The following ZNF440 variants were observed in gnomAD, a reference collection of about 807,000 sequenced individuals.
The protein encoded by ZNF440 is zinc finger protein 440.
A neutral mutation model predicts 49.7 loss-of-function variants in ZNF440; 47 were observed. The observed-to-expected ratio is 0.95, with a 90% confidence interval of 0.75 to 1.21. The LOEUF is 1.21. Ranked by LOEUF, ZNF440 falls within the 50% of genes most tolerant of loss-of-function variation. The pLI is 0.00. For missense variants in ZNF440, 703 were observed against 715.0 expected, an observed-to-expected ratio of 0.98 and a Z score of 0.19; for synonymous variants, 255 against 237.7, an observed-to-expected ratio of 1.07 and a Z score of -0.67.
chr19:11,814,581 G>A (rs1975708779), intron 1 of ZNF440, 131 bp downstream of exon 1: 1 of 1,135,694 alleles, frequency 8.8e-7, no homozygotes, highest in South Asian at 2.0e-5. Flanking sequence ...CGGTCGCAGG[G>A]TGGGGCTGGG....
At chr19:11,824,803 G>T (rs1416112979) in intron 1 of ZNF440, among the ~76,000 whole-genome samples, 2 of 151,342 alleles carry the variant, frequency 1.3e-5, no homozygotes, top group East Asian at 3.9e-4. Flanking sequence ...CGCCTCCTGG[G>T]TTCTAGCAAT....
chr19:11,825,885 G>A (rs1599293429), intron 1 of ZNF440, among the ~76,000 whole-genome samples: 1 of 139,310 alleles, frequency 7.2e-6, no homozygotes, highest in Non-Finnish European at 1.5e-5. Flanking sequence ...GTGCAATCTT[G>A]GCTCACTGCA....
Position 11,814,469 on chromosome 19 carries a change from G to C in ZNF440, c.3+19G>C. On this transcript the variant is annotated intron_variant, in intron 1 of 3. Transcript: ENST00000304060. The stretch of plus-strand genomic sequence containing the variant: ...AGAAATGGTGTGTGTGAGGGGGCTG[G>C]CGTCCGGGCGACTGGGAGAGGGGCT... 1 of 1,516,266 alleles carries C rather than the reference G, an allele frequency of 6.6e-7. No individual in the cohort carries two copies. Among genetic ancestry groups the C allele is most frequent in the Non-Finnish European group, 8.8e-7 (1 of 1,132,664 alleles). 93.9% of individuals were successfully genotyped at this position (1,516,266 alleles called of 1,614,324 possible). A position where few individuals can be genotyped will look rare whatever the true frequency, so the allele number is the denominator to read the frequency against.
chr19:11,831,416 TG>T lies in ZNF440; in HGVS notation c.242del (p.Gly81GlufsTer12), dbSNP rs540806687. On this transcript the variant is annotated frameshift_variant, in exon 4 of 4. Coordinates refer to ENST00000304060, the MANE Select transcript of ZNF440 (RefSeq NM_152357.3). LOFTEE classifies it high-confidence loss of function. ...ATGAAATTAAAGATGACAGTCATTG[TG>T]GAGAAACTTTTACCCCAGTTCCAGA... ...VNEIKDDSHC[G>X]ETFTPVPDDR... The T allele has an allele frequency of 7.9e-4, 1,275 of 1,612,444 alleles. 16 individuals are homozygous for T. The South Asian group carries it at 0.013, about 17-fold the overall frequency.
chr19:11,818,090 A>G (rs1237168146), intron 1 of ZNF440, among the ~76,000 whole-genome samples: 1 of 152,170 alleles, frequency 6.6e-6, no homozygotes, highest in Admixed American at 6.5e-5. Context: ...CTGTGATCCC[A>G]GCTACTCGGG....
At chr19:11,821,956 C>G (rs1410633163) in intron 1 of ZNF440, among the ~76,000 whole-genome samples, 1 of 152,174 alleles carries the variant, frequency 6.6e-6, no homozygotes, top group Non-Finnish European at 1.5e-5. Flanking sequence ...GGGGGAACAT[C>G]CAGGATGCAC....
chr19:11,826,959 G>A (rs900488999), intron 1 of ZNF440, among the ~76,000 whole-genome samples: 2 of 151,516 alleles, frequency 1.3e-5, no homozygotes, highest in South Asian at 2.1e-4. Flanking sequence ...CACTGCGCCC[G>A]GGCTGTTTTC....
chr19:11,825,249 G>A (rs1244167952), intron 1 of ZNF440, among the ~76,000 whole-genome samples: 3 of 152,160 alleles, frequency 2.0e-5, no homozygotes, highest in African/African-American at 7.2e-5. Flanking sequence ...TCCTGCAACT[G>A]ATGCAAGAAT....
At position 11,831,201 on chromosome 19, in the gene ZNF440, T is replaced by G. The variant is rs1975932554; in HGVS notation, c.192-167T>G. 2.0e-5 allele frequency among the ~76,000 whole-genome samples: 3 copies of G among 152,332 alleles called. No individual in the cohort carries two copies. In the South Asian group the frequency reaches 6.2e-4, roughly 32 times the overall value. The stretch of plus-strand genomic sequence containing the variant: ...CAGTTTTTTAAATAATAGGTATGGC[T>G]GGGTCACCTTGTAGAATATGTTGTC... On this transcript the variant is annotated intron_variant, in intron 3 of 3. Coordinates refer to ENST00000304060, the MANE Select transcript of ZNF440 (RefSeq NM_152357.3).
intron 1 of ZNF440, chr19:11,817,155 T>A (rs1440838915): frequency 6.6e-6 from 1 of 152,148 alleles, no homozygotes; most frequent in Non-Finnish European, 1.5e-5. Context: ...TCCAGAGAAA[T>A]GGACTCAGTA....
At chr19:11,821,726 C>T (rs1288147169) in intron 1 of ZNF440, among the ~76,000 whole-genome samples, 1 of 152,182 alleles carries the variant, frequency 6.6e-6, no homozygotes, top group Non-Finnish European at 1.5e-5. Context: ...CCAGCACGGC[C>T]CCTCTGTGGG....
At position 11,818,204 on chromosome 19, in the gene ZNF440, C is replaced by G. The variant is rs186990212; in HGVS notation, c.3+3754C>G. ...GGGCAACAAGAGTGAAACTCTGTCT[C>G]AAAAAAAAACCAAAACGAAACAAAC... On this transcript the variant is annotated intron_variant, in intron 1 of 3. Coordinates refer to ENST00000304060, the MANE Select transcript of ZNF440 (RefSeq NM_152357.3). Among the ~76,000 whole-genome samples, 357 of 149,328 alleles carry G rather than the reference C, an allele frequency of 2.4e-3. 4 individuals carry two copies. The highest frequency in any genetic ancestry group is 8.1e-3 in the African/African-American group (331 of 40,726).
chr19:11,815,270 A>G (rs1306008698), intron 1 of ZNF440, among the ~76,000 whole-genome samples: 1 of 139,452 alleles, frequency 7.2e-6, no homozygotes, highest in Non-Finnish European at 1.6e-5. Flanking sequence ...GAGCGAGACA[A>G]CTGGGCAACT....
intron 1 of ZNF440, among the ~76,000 whole-genome samples, chr19:11,815,284 TCACACACACA>T (rs3223082): frequency 2.3e-4 from 28 of 121,128 alleles, no homozygotes; most frequent in East Asian, 1.2e-3. Flanking sequence ...GGCAACTCCG[TCACACACACA>T]CACACACACA....
In ZNF440 at chr19:11,822,985, T is replaced by C. The variant is rs529954582; in HGVS notation, c.4-7298T>C. On this transcript the variant is annotated intron_variant, in intron 1 of 3. Coordinates refer to ENST00000304060, the MANE Select transcript of ZNF440 (RefSeq NM_152357.3). ...GTTTAGTGGGTATATTGCCTGTCTATCTTAGTCATCTTGGGCTGCTATATC... is the reference window on the plus strand; with the variant it reads ...GTTTAGTGGGTATATTGCCTGTCTACCTTAGTCATCTTGGGCTGCTATATC... Among the ~76,000 whole-genome samples, 99 of 152,292 alleles carry C rather than the reference T, an allele frequency of 6.5e-4. 1 individual carries two copies. In the South Asian group the frequency reaches 0.02, roughly 31 times the overall value.
At position 11,833,407 on chromosome 19, in the gene ZNF440, T is replaced by C. The variant is rs1975978628; in HGVS notation, c.*443T>C. 4.8e-6 allele frequency: 2 copies of C among 417,750 alleles called. No individual in the cohort carries two copies. The highest frequency in any genetic ancestry group is 2.4e-5 in the South Asian group (1 of 42,026). 25.9% of individuals were successfully genotyped at this position (417,750 alleles called of 1,614,324 possible). A position where few individuals can be genotyped will look rare whatever the true frequency, so the allele number is the denominator to read the frequency against. On this transcript the variant is annotated 3_prime_UTR_variant, in exon 4 of 4. Coordinates refer to ENST00000304060, the MANE Select transcript of ZNF440 (RefSeq NM_152357.3). Reference sequence around the variant, plus strand: ...GAACACACAATGGAGAGAAACCCTATGAATGTAAAGAATGCAGAAAAGCAT... The same window carrying C: ...GAACACACAATGGAGAGAAACCCTACGAATGTAAAGAATGCAGAAAAGCAT...
At chr19:11,825,365 A>G (rs149837702) in intron 1 of ZNF440, among the ~76,000 whole-genome samples, 31 of 152,328 alleles carry the variant, frequency 2.0e-4, no homozygotes, top group African/African-American at 7.2e-4. Flanking sequence ...GTTTAAGACA[A>G]CTATGTGTCA....
At chr19:11,826,662 CTTTT>C (rs112043377) in intron 1 of ZNF440, among the ~76,000 whole-genome samples, 1 of 142,308 alleles carries the variant, frequency 7.0e-6, no homozygotes, top group Non-Finnish European at 1.5e-5. Flanking sequence ...ATTTTTTTTC[CTTTT>C]TTTTTTTTTT....
chr19:11,831,560 C>T lies in ZNF440; in HGVS notation c.384C>T (p.Asp128=). The change falls in exon 4 of 4, where the codon GAC becomes GAT. Residue 128 remains aspartate (D), a synonymous_variant. Transcript: ENST00000304060. The part of the protein sequence containing the change: ...NSSFNMNIRG[D]IGHKAYEYQE... ...CTTTTAATATGAACATCAGAGGTGA[C>T]ATTGGACACAAGGCATATGAGTATC... 1 of 1,613,998 alleles carries T rather than the reference C, an allele frequency of 6.2e-7. No homozygotes were observed. Among genetic ancestry groups the T allele is most frequent in the Non-Finnish European group, 8.5e-7 (1 of 1,179,976 alleles).
Sources: gnomAD v4.1 joint callset for allele counts (sites outside exome capture counted in the v4.1 genomes callset) on GRCh38, gnomAD v4.1.1 for gene constraint, MANE v1.5 for transcripts, NCBI Gene and HGNC (gene_info 2026-07-23, HGNC 2026-07-21) for gene names.